Variants in UBE2E2 observed in about 807,000 individuals in gnomAD.
UBE2E2 encodes ubiquitin-conjugating enzyme E2 E2.
In UBE2E2, 6 loss-of-function variants were observed where a neutral mutation model predicts 24.7. The observed-to-expected ratio is 0.24, with a 90% CI of 0.13 to 0.48. The LOEUF (loss-of-function observed/expected upper bound fraction) is 0.48, where lower values mean the gene tolerates loss of function less well. Among genes scored for constraint, UBE2E2 ranks in the 20% least tolerant of loss-of-function variants. The pLI is 0.99. For synonymous variants in UBE2E2, 104 were observed against 83.6 expected (o/e 1.24, Z -1.33); for missense variants, 169 against 245.0 (o/e 0.69, Z 2.07).
chr3:23,501,491 G>A (rs2125457155), intron 4 of UBE2E2, among the ~76,000 whole-genome samples: 1 of 152,266 alleles, frequency 6.6e-6, no homozygotes, highest in East Asian at 1.9e-4. Context: ...TTCCAAGAGT[G>A]TACAACCAGG....
chr3:23,396,111 A>G (rs529700872), intron 3 of UBE2E2, among the ~76,000 whole-genome samples: 4 of 151,644 alleles, frequency 2.6e-5, no homozygotes, highest in Admixed American at 6.6e-5. Context: ...TGCATTTTCT[A>G]TATTTAGTTA....
At chr3:23,483,963 G>C (rs531517644) in intron 3 of UBE2E2, among the ~76,000 whole-genome samples, 2 of 152,286 alleles carry the variant, frequency 1.3e-5, no homozygotes, top group East Asian at 3.9e-4. Flanking sequence ...GCTGGGGAGG[G>C]AGCAGCGAAC....
At chr3:23,495,431 G>A (rs975907700) in intron 3 of UBE2E2, among the ~76,000 whole-genome samples, 3 of 152,114 alleles carry the variant, frequency 2.0e-5, no homozygotes, top group African/African-American at 7.2e-5. Flanking sequence ...TACCATTCTT[G>A]GGAGGCCATT....
At chr3:23,577,081 G>C (rs1457335773) in intron 5 of UBE2E2, among the ~76,000 whole-genome samples, 3 of 152,038 alleles carry the variant, frequency 2.0e-5, no homozygotes, top group Non-Finnish European at 4.4e-5. Flanking sequence ...TCTGTGATCA[G>C]TGATCTCTGA....
chr3:23,560,634 A>T (rs989844115), intron 5 of UBE2E2, among the ~76,000 whole-genome samples: 1 of 152,054 alleles, frequency 6.6e-6, no homozygotes, highest in Non-Finnish European at 1.5e-5. Flanking sequence ...TCCTTGAGGA[A>T]TCGCCACACT....
intron 3 of UBE2E2, among the ~76,000 whole-genome samples, chr3:23,225,070 T>C (rs1341083052): frequency 6.6e-6 from 1 of 152,104 alleles, no homozygotes; most frequent in Non-Finnish European, 1.5e-5. Context: ...TTTCATGTGC[T>C]TATTGTCCAT....
Position 23,525,211 on chromosome 3 carries a change from C to G in UBE2E2, c.361-7343C>G, listed in dbSNP as rs144854355. The stretch of plus-strand genomic sequence containing the variant: ...TTATATTGGGCCCACCTAAATAATC[C>G]AGGATAATCACCCCCATCTCAAGAT... On this transcript the variant is annotated intron_variant, in intron 4 of 5. Transcript: ENST00000396703. Among the ~76,000 whole-genome samples the G allele has an allele frequency of 1.6e-4, 25 of 152,208 alleles. No individual in the cohort carries two copies. The East Asian group carries it at 4.4e-3, about 27-fold the overall frequency.
At chr3:23,296,392 G>A (rs1483557633) in intron 3 of UBE2E2, among the ~76,000 whole-genome samples, 1 of 151,922 alleles carries the variant, frequency 6.6e-6, no homozygotes, top group African/African-American at 2.4e-5. Flanking sequence ...GTATACATGT[G>A]CCATGCTGGT....
In UBE2E2 at chr3:23,432,135, A is replaced by G. The variant is rs185847192; in HGVS notation, c.228-67473A>G. ...AATTTCTCTTTCTATGTTTTGTCAG[A>G]TACAGTAATTATATCACAAGCAGTC... On this transcript the variant is annotated intron_variant, in intron 3 of 5. Coordinates refer to ENST00000396703, the MANE Select transcript of UBE2E2 (RefSeq NM_152653.4). Among the ~76,000 whole-genome samples, 119 of 152,316 alleles carry G rather than the reference A, an allele frequency of 7.8e-4. 3 individuals carry two copies. Among genetic ancestry groups the G allele is most frequent in the Admixed American group, 5.2e-3 (80 of 15,300 alleles).
At chr3:23,300,240 T>C (rs929159565) in intron 3 of UBE2E2, among the ~76,000 whole-genome samples, 3 of 151,988 alleles carry the variant, frequency 2.0e-5, no homozygotes, top group Non-Finnish European at 4.4e-5. Context: ...TTTATCCAAT[T>C]TGCCAGTCTG....
At chr3:23,461,674 C>A (rs1035133833) in intron 3 of UBE2E2, among the ~76,000 whole-genome samples, 1 of 151,780 alleles carries the variant, frequency 6.6e-6, no homozygotes, top group Non-Finnish European at 1.5e-5. Context: ...TTAGTTGAAG[C>A]AATAAGACAC....
chr3:23,398,973 G>T (rs1170498144), intron 3 of UBE2E2, among the ~76,000 whole-genome samples: 1 of 152,046 alleles, frequency 6.6e-6, no homozygotes, highest in African/African-American at 2.4e-5. Flanking sequence ...TTATACGTGG[G>T]GATATGTTCC....
chr3:23,506,319 C>G (rs887058825), intron 4 of UBE2E2, among the ~76,000 whole-genome samples: 9 of 152,188 alleles, frequency 5.9e-5, no homozygotes, highest in African/African-American at 2.2e-4. Context: ...CTTAACAAAT[C>G]CAGAACCAAA....
intron 3 of UBE2E2, among the ~76,000 whole-genome samples, chr3:23,242,089 A>G (rs1559452874): frequency 1.3e-5 from 2 of 151,968 alleles, no homozygotes; most frequent in Non-Finnish European, 1.5e-5. Context: ...TTTTATTTTT[A>G]TTTTTTTGTA....
intron 3 of UBE2E2, among the ~76,000 whole-genome samples, chr3:23,317,473 A>G (rs146809009): frequency 1.1e-3 from 168 of 152,256 alleles, no homozygotes; most frequent in African/African-American, 4.0e-3. Flanking sequence ...GGGGAGGTGT[A>G]TTAGTCTGTT....
At chr3:23,581,282 C>T (rs1195648018) in intron 5 of UBE2E2, among the ~76,000 whole-genome samples, 1 of 151,636 alleles carries the variant, frequency 6.6e-6, no homozygotes, top group Non-Finnish European at 1.5e-5. Flanking sequence ...TCATCTTAAA[C>T]TCCTGGCATC....
chr3:23,402,297 A>C (rs1252880254), intron 3 of UBE2E2, among the ~76,000 whole-genome samples: 1 of 152,236 alleles, frequency 6.6e-6, no homozygotes, highest in Non-Finnish European at 1.5e-5. Context: ...GTAATGTCAC[A>C]CCAGGACAAG....
intron 3 of UBE2E2, among the ~76,000 whole-genome samples, chr3:23,426,911 C>T (rs1268282162): frequency 1.3e-5 from 2 of 151,542 alleles, no homozygotes; most frequent in Non-Finnish European, 2.9e-5. Context: ...ATATTGTGTG[C>T]GTATACACAC....
chr3:23,328,034 C>G lies in UBE2E2; in HGVS notation c.227+110722C>G, dbSNP rs193080787. On this transcript the variant is annotated intron_variant, in intron 3 of 5. Coordinates refer to ENST00000396703, the MANE Select transcript of UBE2E2 (RefSeq NM_152653.4). ...TATACAATAAGTATACTTATGTTGT[C>G]TTATTACCATAAACAGAGCAGTGGT... is the stretch of plus-strand genomic sequence containing the variant. 2.2e-3 allele frequency among the ~76,000 whole-genome samples: 333 copies of G among 149,094 alleles called. 1 individual carries two copies. The highest frequency in any genetic ancestry group is 7.9e-3 in the African/African-American group (319 of 40,456).
Sources: allele counts gnomAD v4.1 joint callset (sites outside exome capture counted in the v4.1 genomes callset), GRCh38; gene constraint gnomAD v4.1.1; transcripts MANE v1.5; gene names NCBI Gene and HGNC (gene_info 2026-07-23, HGNC 2026-07-21).